The following AGBL1 variants were observed in gnomAD, a reference collection of about 807,000 sequenced individuals.
The protein encoded by AGBL1 is cytosolic carboxypeptidase 4.
AGBL1 carries 130 observed loss-of-function variants against 118.9 expected under a neutral mutation model. That is an observed-to-expected ratio of 1.09 (90% confidence interval 0.95 to 1.26). AGBL1 has a LOEUF of 1.26. Ranked by LOEUF, AGBL1 falls within the 50% of genes most tolerant of loss-of-function variation. The pLI is 0.00. For synonymous variants in AGBL1, 555 were observed against 478.9 expected (o/e 1.16, Z -2.08); for missense variants, 1,584 against 1,298.1 (o/e 1.22, Z -3.38).
chr15:86,977,324 C>G (rs2141715678), intron 23 of AGBL1, among the ~76,000 whole-genome samples: 1 of 151,076 alleles, frequency 6.6e-6, no homozygotes, highest in East Asian at 1.9e-4. Context: ...TAGAAAACTA[C>G]TTTATTAATT....
chr15:86,462,784 A>T (rs1344249614), intron 18 of AGBL1, among the ~76,000 whole-genome samples: 1 of 152,316 alleles, frequency 6.6e-6, no homozygotes, highest in East Asian at 1.9e-4. Flanking sequence ...TTATGGCTGC[A>T]TAATATTCCA....
chr15:86,642,822 G>A (rs2085214712), intron 21 of AGBL1, among the ~76,000 whole-genome samples: 2 of 151,858 alleles, frequency 1.3e-5, no homozygotes, highest in South Asian at 2.1e-4. Flanking sequence ...AAGAGCACTG[G>A]GTAGCTACCA....
intron 18 of AGBL1, among the ~76,000 whole-genome samples, chr15:86,417,377 T>C (rs1057336240): frequency 6.6e-6 from 1 of 152,220 alleles, no homozygotes; most frequent in Admixed American, 6.5e-5. Flanking sequence ...CAATCACTTG[T>C]CTTGGGATGT....
intron 19 of AGBL1, among the ~76,000 whole-genome samples, chr15:86,530,098 A>C (rs2142216819): frequency 7.4e-6 from 1 of 135,680 alleles, no homozygotes; most frequent in South Asian, 2.2e-4. Context: ...GATCAAATTC[A>C]CACATAACAA....
chr15:86,487,632 G>A (rs951440312), intron 18 of AGBL1, among the ~76,000 whole-genome samples: 2 of 151,852 alleles, frequency 1.3e-5, no homozygotes, highest in African/African-American at 4.8e-5. Context: ...TTGGCAAGGA[G>A]GCCGAGACCA....
chr15:86,796,971 T>G (rs2078581441), intron 22 of AGBL1, among the ~76,000 whole-genome samples: 1 of 152,218 alleles, frequency 6.6e-6, no homozygotes, highest in Non-Finnish European at 1.5e-5. Context: ...GGTGGTGCAG[T>G]TGTACAGAAC....
chr15:86,800,766 T>C (rs1439054808), intron 22 of AGBL1, among the ~76,000 whole-genome samples: 2 of 152,126 alleles, frequency 1.3e-5, no homozygotes, highest in African/African-American at 4.8e-5. Flanking sequence ...ATATTTGCTT[T>C]AATATTTCCT....
intron 22 of AGBL1, among the ~76,000 whole-genome samples, chr15:86,758,941 C>G (rs913541749): frequency 1.4e-5 from 2 of 142,982 alleles, no homozygotes; most frequent in Non-Finnish European, 3.0e-5. Flanking sequence ...CCATGGCACT[C>G]CAGCCTGGAT....
chr15:86,282,087 C>G (rs1054654854), intron 16 of AGBL1, among the ~76,000 whole-genome samples: 2 of 152,132 alleles, frequency 1.3e-5, no homozygotes, highest in Non-Finnish European at 1.5e-5. Flanking sequence ...AGTTGTTTAC[C>G]TTGTGCCTCT....
chr15:86,770,775 C>T (rs2078166426), intron 22 of AGBL1, among the ~76,000 whole-genome samples: 1 of 152,012 alleles, frequency 6.6e-6, no homozygotes, highest in African/African-American at 2.4e-5. Flanking sequence ...CCCAAGGCTA[C>T]TGAAGACCAC....
rs1387128064 is a variant in AGBL1 at position 86,882,032 on chromosome 15, C to T, written c.3159-25055C>T. Among the ~76,000 whole-genome samples, 7 of 152,080 alleles carry T rather than the reference C, an allele frequency of 4.6e-5. No homozygotes were observed. The East Asian group carries it at 7.7e-4, about 17-fold the overall frequency. ...GTGGGGACACAAATGCAAACCATATCGGTTACCTTTCAGTAAGAAGATCTA... is the reference window on the plus strand; with the variant it reads ...GTGGGGACACAAATGCAAACCATATTGGTTACCTTTCAGTAAGAAGATCTA... On this transcript the variant is annotated intron_variant, in intron 22 of 22. Coordinates refer to ENST00000614907, the MANE Select transcript of AGBL1 (RefSeq NM_001386094.1).
At chr15:86,851,723 T>C (rs1567206874) in intron 22 of AGBL1, among the ~76,000 whole-genome samples, 1 of 152,008 alleles carries the variant, frequency 6.6e-6, no homozygotes, top group African/African-American at 2.4e-5. Context: ...AGGCAGGGCA[T>C]TAACTTGAAC....
At chr15:86,332,150 G>GT (rs1460920681) in intron 17 of AGBL1, among the ~76,000 whole-genome samples, 1 of 152,118 alleles carries the variant, frequency 6.6e-6, no homozygotes, top group East Asian at 1.9e-4. Flanking sequence ...TGTAACAACA[G>GT]TAAAGAAGGA....
At chr15:87,027,247 T>A (rs987650802) in intron 24 of AGBL1, among the ~76,000 whole-genome samples, 1 of 151,924 alleles carries the variant, frequency 6.6e-6, no homozygotes, top group Non-Finnish European at 1.5e-5. Context: ...CTCACACCAG[T>A]TAGAATGGGT....
At chr15:86,483,608 C>T (rs143999009) in intron 18 of AGBL1, among the ~76,000 whole-genome samples, 1 of 152,132 alleles carries the variant, frequency 6.6e-6, no homozygotes, top group Non-Finnish European at 1.5e-5. Context: ...CATTCAGTTT[C>T]AGGCTTGCTC....
intron 5 of AGBL1, among the ~76,000 whole-genome samples, chr15:86,191,585 C>T (rs1461379024): frequency 1.3e-5 from 2 of 151,902 alleles, no homozygotes; most frequent in Non-Finnish European, 2.9e-5. Flanking sequence ...TCAAGAACAA[C>T]TGGTCTTTCT....
intron 17 of AGBL1, among the ~76,000 whole-genome samples, chr15:86,375,907 G>C (rs183893890): frequency 1.2e-3 from 183 of 152,302 alleles, no homozygotes; most frequent in African/African-American, 4.2e-3. Flanking sequence ...GGCTCATGTT[G>C]GGAAAGGAAG....
intron 21 of AGBL1, among the ~76,000 whole-genome samples, chr15:86,583,713 G>A (rs1459540935): frequency 6.6e-6 from 1 of 152,122 alleles, no homozygotes; most frequent in African/African-American, 2.4e-5. Context: ...CCCAGTAATG[G>A]AATTGCTGGG....
chr15:86,751,491 CCAAAAGCAATGTCAA>C (rs1377239506), intron 22 of AGBL1, among the ~76,000 whole-genome samples: 1 of 152,018 alleles, frequency 6.6e-6, no homozygotes, highest in Non-Finnish European at 1.5e-5. Flanking sequence ...GACTAAGATG[CCAAAAGCAATGTCAA>C]CAAAAGCAAA....
Sources: allele counts gnomAD v4.1 joint callset (sites outside exome capture counted in the v4.1 genomes callset), GRCh38; gene constraint gnomAD v4.1.1; transcripts MANE v1.5; gene names NCBI Gene and HGNC (gene_info 2026-07-23, HGNC 2026-07-21).